AOX1: variants seen among roughly 807,000 people sequenced by gnomAD.
The protein encoded by AOX1 is aldehyde oxidase 1, also known as aldehyde oxidase.
In AOX1, 153 loss-of-function variants were observed where a neutral mutation model predicts 169.5. The observed-to-expected ratio is 0.90, with a 90% CI of 0.79 to 1.03. The LOEUF (loss-of-function observed/expected upper bound fraction) is 1.03. AOX1 is among the 50% of genes least tolerant of loss of function. AOX1 has a pLI of 0.00. For missense variants in AOX1, 1,656 were observed against 1,663.9 expected, an observed-to-expected ratio of 1.00 and a Z score of 0.08; for synonymous variants, 562 against 581.9, an observed-to-expected ratio of 0.97 and a Z score of 0.49.
At chr2:200,588,726 C>CTGTTTTTTTTTTTTTTTTTTTTTT (rs2034095923) in intron 1 of AOX1, among the ~76,000 whole-genome samples, 1 of 53,986 alleles carries the variant, frequency 1.9e-5, no homozygotes, top group Non-Finnish European at 3.9e-5. Context: ...CTAGAATAAG[C>CTGTTTTTTTTTTTTTTTTTTTTTT]TTTTTTTTTT....
chr2:200,620,962 T>C, intron 17 of AOX1, 143 bp downstream of exon 17: 2 of 1,301,296 alleles, frequency 1.5e-6, no homozygotes, highest in Non-Finnish European at 2.1e-6. Flanking sequence ...GATCGAAATG[T>C]AGGATTTACT....
In AOX1 at chr2:200,604,656, C is replaced by T. The variant is rs371325995; in HGVS notation, c.670-40C>T. 8.7e-6 allele frequency: 14 copies of T among 1,609,502 alleles called. No homozygotes were observed. In the African/African-American group the frequency reaches 1.7e-4, roughly 20 times the overall value. ...ATTGAGTGGAAACAGGTGGAGATGG[C>T]ATCATTGGGTACCTTGAATCCCTAT... On this transcript the variant is annotated intron_variant, in intron 8 of 34. Transcript: ENST00000374700.
At chr2:200,641,385 C>G (rs901002080) in intron 24 of AOX1, among the ~76,000 whole-genome samples, 14 of 152,074 alleles carry the variant, frequency 9.2e-5, no homozygotes, top group Non-Finnish European at 1.0e-4. Context: ...TGTGTTACCC[C>G]CCGGCTTCCC....
At chr2:200,664,095 C>T (rs745593668) in intron 31 of AOX1, among the ~76,000 whole-genome samples, 17 of 149,820 alleles carry the variant, frequency 1.1e-4, no homozygotes, top group African/African-American at 3.7e-4. Context: ...TACTAGGGAG[C>T]GGGTTCTTGC....
In AOX1 at chr2:200,638,122, G is replaced by A. The variant is rs935307934; in HGVS notation, c.2481-93G>A. 5 of 1,085,990 alleles carry A rather than the reference G, an allele frequency of 4.6e-6. No homozygotes were observed. The South Asian group carries it at 6.4e-5, about 14-fold the overall frequency. The allele number at this position is 1,085,990 out of a possible 1,614,324, so 67.3% of individuals were successfully genotyped here. ...TTGTGTTGTTCTGTGAGGCGTGTAG[G>A]CTCCACTCAGGCTCTTGCCAGGAGT... On this transcript the variant is annotated intron_variant, in intron 22 of 34. Coordinates refer to ENST00000374700, the MANE Select transcript of AOX1 (RefSeq NM_001159.4).
At chr2:200,636,620 A>C (rs780634613) in intron 21 of AOX1, among the ~76,000 whole-genome samples, 10 of 152,210 alleles carry the variant, frequency 6.6e-5, no homozygotes, top group Non-Finnish European at 1.5e-4. Flanking sequence ...CTCACTGGTA[A>C]TGAAAACACT....
At chr2:200,590,274 A>G (rs1343009709) in intron 1 of AOX1, among the ~76,000 whole-genome samples, 1 of 152,158 alleles carries the variant, frequency 6.6e-6, no homozygotes, top group Non-Finnish European at 1.5e-5. Context: ...TTAACCAAGT[A>G]CAGCATGAAC....
intron 1 of AOX1, among the ~76,000 whole-genome samples, chr2:200,586,893 T>C (rs968532683): frequency 3.9e-5 from 6 of 152,140 alleles, no homozygotes; most frequent in Non-Finnish European, 2.9e-5. Flanking sequence ...AACACCCCCC[T>C]TAATGTGAGC....
rs144698440 is a variant in AOX1 at position 200,634,691 on chromosome 2, G to A, written c.2222-100G>A. On this transcript the variant is annotated intron_variant, in intron 20 of 34. Coordinates refer to ENST00000374700, the MANE Select transcript of AOX1 (RefSeq NM_001159.4). ...TTATACTTCACTGTGCCCAGCAGAA[G>A]TACTATTAGTGGAATTTCTGCATAA... 941 of 1,416,112 alleles carry A rather than the reference G, an allele frequency of 6.6e-4. 7 individuals carry two copies. The African/African-American group carries it at 0.011, about 17-fold the overall frequency. 87.7% of individuals were successfully genotyped at this position (1,416,112 alleles called of 1,614,324 possible).
At chr2:200,614,534 C>A (rs536396937) in intron 15 of AOX1, among the ~76,000 whole-genome samples, 2 of 152,166 alleles carry the variant, frequency 1.3e-5, no homozygotes, top group East Asian at 3.9e-4. Context: ...TCTCTTAGGG[C>A]AAACAATTAA....
In AOX1 at chr2:200,624,014, T is replaced by C. The variant is rs765465034; in HGVS notation, c.2124+31T>C. 20 of 1,610,228 alleles carry C rather than the reference T, an allele frequency of 1.2e-5. No individual in the cohort carries two copies. In the East Asian group the frequency reaches 4.2e-4, roughly 34 times the overall value. On this transcript the variant is annotated intron_variant, in intron 19 of 34. Transcript: ENST00000374700. The stretch of plus-strand genomic sequence containing the variant: ...GAGTTCTGTGGAATGGTGGTGCCAG[T>C]TGGGAGCCAGAACAAATATCAGTTA...
At chr2:200,597,276 G>A (rs1574907914) in intron 3 of AOX1, 121 bp from the exon 4 acceptor site, 1 of 590,400 alleles carries the variant, frequency 1.7e-6, no homozygotes, top group Middle Eastern at 4.7e-4. Context: ...AAATGTATGT[G>A]TAAAACCTGG....
At chr2:200,591,113 T>C (rs73044176) in intron 1 of AOX1, among the ~76,000 whole-genome samples, 3,835 of 152,306 alleles carry the variant, frequency 0.025, 178 homozygotes, top group African/African-American at 0.088. Context: ...AAATCATACA[T>C]AGCATGTTCC....
chr2:200,595,475 C>G, intron 3 of AOX1, 107 bp downstream of exon 3: 1 of 704,146 alleles, frequency 1.4e-6, no homozygotes, highest in African/African-American at 1.8e-5. Flanking sequence ...GTGAAAAGAA[C>G]TGGCCACTTG....
chr2:200,666,704 T>C lies in AOX1; in HGVS notation c.3561T>C (p.Ile1187=). Residue 1187 remains isoleucine, a synonymous_variant, in exon 32 of 35, where the codon ATT becomes ATC. Transcript: ENST00000374700. ...TGDHKNIRTD[I]VMDVGCSINP... ...AATACTAGAACATCAGAACAGACAT[T>C]GTCATGGATGTTGGCTGCAGTATAA... 6.2e-7 allele frequency: 1 copy of C among 1,609,742 alleles called. No homozygotes were observed. The highest frequency in any genetic ancestry group is 8.5e-7 in the Non-Finnish European group (1 of 1,178,656).
chr2:200,610,221 G>A (rs983734479), intron 12 of AOX1, among the ~76,000 whole-genome samples: 10 of 152,050 alleles, frequency 6.6e-5, no homozygotes, highest in African/African-American at 2.4e-4. Flanking sequence ...GCAGGCATGT[G>A]CCACCATGCC....
chr2:200,613,403 A>C (rs961923074), intron 14 of AOX1, among the ~76,000 whole-genome samples: 8 of 152,196 alleles, frequency 5.3e-5, no homozygotes, highest in African/African-American at 1.7e-4. Flanking sequence ...ATGGGTGATC[A>C]TACCTACCTC....
At position 200,668,628 on chromosome 2, in the gene AOX1, T is replaced by C. The variant is rs377494439; in HGVS notation, c.3623T>C (p.Phe1208Ser). Residue 1208 changes from phenylalanine (F) to serine (S), a missense_variant, in exon 33 of 35, where the codon TTT becomes TCT. By Grantham distance (155) the Phe-to-Ser change is radical (BLOSUM62 -2). Coordinates refer to ENST00000374700, the MANE Select transcript of AOX1 (RefSeq NM_001159.4). ...AIDIGQIEGA[F>S]IQGMGLYTIE... ...TTCTTGCCTCAGATTGAAGGTGCAT[T>C]TATTCAAGGCATGGGACTTTATACA... The C allele has an allele frequency of 6.2e-7, 1 of 1,603,560 alleles. No individual in the cohort carries two copies. The highest frequency in any genetic ancestry group is 8.5e-7 in the Non-Finnish European group (1 of 1,175,784).
intron 1 of AOX1, among the ~76,000 whole-genome samples, chr2:200,591,392 A>G (rs565648396): frequency 2.6e-5 from 4 of 152,354 alleles, no homozygotes; most frequent in Non-Finnish European, 2.9e-5. Flanking sequence ...AGAACACTTG[A>G]GCAGGGTGGT....
Sources: gnomAD v4.1 joint callset for allele counts (sites outside exome capture counted in the v4.1 genomes callset) on GRCh38, gnomAD v4.1.1 for gene constraint, MANE v1.5 for transcripts, NCBI Gene and HGNC (gene_info 2026-07-23, HGNC 2026-07-21) for gene names.